A2M: variants seen among roughly 807,000 people sequenced by gnomAD.
A2M encodes the protein C3 and PZP-like alpha-2-macroglobulin domain-containing protein 5.
A2M carries 128 observed loss-of-function variants against 183.9 expected under a neutral mutation model. The ratio of observed to expected loss-of-function variants is 0.70; its 90% CI spans 0.60 to 0.81. A2M has a LOEUF of 0.81. Ranked by LOEUF, A2M falls within the 30% of genes least tolerant of loss-of-function variation. The pLI is 0.00. For synonymous variants in A2M, 592 were observed against 670.8 expected, an observed-to-expected ratio of 0.88 and a Z score of 1.81; for missense variants, 1,495 against 1,787.6, an observed-to-expected ratio of 0.84 and a Z score of 2.95.
rs1459325862 is a variant in A2M, at chr12:9,093,540, T to A, written c.2165A>T (p.His722Leu). The A allele has an allele frequency of 1.2e-6, 2 of 1,612,822 alleles. No homozygotes were observed. Among genetic ancestry groups the A allele is most frequent in the Admixed American group, 3.3e-5 (2 of 59,880 alleles). ...GGTCTCCGTGTGAGGCTCTTCAACA[T>A]GCACCAGGCGTGCATGGCCTCTTCC... is the stretch of plus-strand genomic sequence containing the variant. ...VMGRGHARLV[H>L]VEEPHTETVR... The change falls in exon 18 of 36, where the codon CAT (histidine) becomes CTT (leucine). Residue 722 changes from histidine to leucine, a missense_variant. By Grantham distance (99) the His-to-Leu change is moderately conservative. Coordinates refer to ENST00000318602, the MANE Select transcript of A2M (RefSeq NM_000014.6).
chr12:9,079,043 T>G (rs1320892830), intron 25 of A2M, among the ~76,000 whole-genome samples: 1 of 152,070 alleles, frequency 6.6e-6, no homozygotes, highest in Non-Finnish European at 1.5e-5. Context: ...GGATCCATTT[T>G]GGAAACAAGC....
chr12:9,111,478 A>G (rs1197302283), intron 4 of A2M: 1 of 455,442 alleles, frequency 2.2e-6, no homozygotes, highest in South Asian at 1.6e-5. Context: ...ATTGACTAGG[A>G]CTAGCTTGCA....
chr12:9,072,659 G>C lies in A2M; in HGVS notation c.3969C>G (p.Tyr1323Ter). The part of the protein sequence containing the change: ...SMKVTGEGCV[Y>*]LQTSLKYNIL... The stretch of plus-strand genomic sequence containing the variant: ...ACCTGCCCAAGAGTCTCACCTGGAG[G>C]TAGACACATCCTTCTCCTGTCACTT... The change falls in exon 30 of 36, where the codon TAC (tyrosine) becomes TAG (stop). Residue 1323 changes from tyrosine to a stop codon, truncating the protein, a stop_gained. Coordinates refer to ENST00000318602, the MANE Select transcript of A2M (RefSeq NM_000014.6). LOFTEE classifies it high-confidence loss of function. 2 of 1,614,070 alleles carry C rather than the reference G, an allele frequency of 1.2e-6. No individual in the cohort carries two copies. Among genetic ancestry groups the C allele is most frequent in the Non-Finnish European group, 1.7e-6 (2 of 1,179,954 alleles).
chr12:9,086,305 AT>A (rs1294169830), intron 22 of A2M, among the ~76,000 whole-genome samples: 1 of 152,210 alleles, frequency 6.6e-6, no homozygotes, highest in Non-Finnish European at 1.5e-5. Context: ...AGGTGGTAGG[AT>A]TGCTTGAACT....
chr12:9,077,006 C>G, intron 27 of A2M, 70 bp from the exon 28 acceptor site: 1 of 1,417,302 alleles, frequency 7.1e-7, no homozygotes, highest in Non-Finnish European at 9.4e-7. Context: ...GGCAAATACA[C>G]GGATCACAGC....
Position 9,110,054 on chromosome 12 carries a change from T to C in A2M, c.505-19A>G. ...TGGGATCCTATATGAGTAAATTAATTATAACTTACAAAAGCACCTGGAGCA... is the reference window on the plus strand; with the variant it reads ...TGGGATCCTATATGAGTAAATTAATCATAACTTACAAAAGCACCTGGAGCA... On this transcript the variant is annotated intron_variant, in intron 5 of 35. Transcript: ENST00000318602. 2 of 1,589,560 alleles carry C rather than the reference T, an allele frequency of 1.3e-6. No individual in the cohort carries two copies. Among genetic ancestry groups the C allele is most frequent in the Middle Eastern group, 1.7e-4 (1 of 5,928 alleles).
chr12:9,106,165 C>A, intron 10 of A2M, 71 bp downstream of exon 10: 1 of 904,624 alleles, frequency 1.1e-6, no homozygotes, highest in Non-Finnish European at 1.8e-6. Flanking sequence ...ATGGTTTTAG[C>A]ACAAACCATA....
At chr12:9,072,964 T>A in intron 29 of A2M, 93 bp from the exon 30 acceptor site, 1 of 921,520 alleles carries the variant, frequency 1.1e-6, no homozygotes, top group Non-Finnish European at 1.6e-6. Flanking sequence ...GGGACTTTGA[T>A]TTCCTACTTC....
intron 28 of A2M, among the ~76,000 whole-genome samples, chr12:9,075,232 A>G (rs922426059): frequency 6.6e-6 from 1 of 152,250 alleles, no homozygotes; most frequent in Non-Finnish European, 1.5e-5. Context: ...AATCCTTGAA[A>G]TACCAAAGGC....
chr12:9,084,290 A>G (rs543358905), intron 22 of A2M, among the ~76,000 whole-genome samples: 2 of 152,212 alleles, frequency 1.3e-5, no homozygotes, highest in Non-Finnish European at 2.9e-5. Context: ...CATATTCAAA[A>G]TACTCTATGA....
chr12:9,091,040 G>A (rs1210950416), intron 19 of A2M, among the ~76,000 whole-genome samples, 161 bp downstream of exon 19: 1 of 151,842 alleles, frequency 6.6e-6, no homozygotes. Flanking sequence ...CTTGCTTTAT[G>A]GTGCAATTTG....
rs1256689992 is a variant in A2M at position 9,099,437 on chromosome 12, C to T, written c.1645G>A (p.Gly549Arg). ...RLLIYAVLPT[G>R]DVIGDSAKYD... Reference sequence around the variant, plus strand: ...TTTGCAGAATCCCCAATCACGTCCCCGGTAGGTAAAACAGCATAGATGAGC... The same window carrying T: ...TTTGCAGAATCCCCAATCACGTCCCTGGTAGGTAAAACAGCATAGATGAGC... The change falls in exon 14 of 36, where the codon GGG (glycine) becomes AGG (arginine). Residue 549 changes from glycine to arginine, a missense_variant. Transcript: ENST00000318602. 18 of 1,596,936 alleles carry T rather than the reference C, an allele frequency of 1.1e-5. No homozygotes were observed. The highest frequency in any genetic ancestry group is 4.0e-5 in the African/African-American group (3 of 74,624).
intron 15 of A2M, among the ~76,000 whole-genome samples, chr12:9,096,153 G>T (rs760681030): frequency 6.6e-6 from 1 of 151,974 alleles, no homozygotes; most frequent in East Asian, 1.9e-4. Context: ...ATTTATAGAG[G>T]GTATGGATCA....
At chr12:9,077,573 T>A in intron 26 of A2M, 128 bp downstream of exon 26, 1 of 1,497,384 alleles carries the variant, frequency 6.7e-7, no homozygotes, top group Non-Finnish European at 9.1e-7. Context: ...ATCCCCTCTT[T>A]TTTGGTGCCA....
chr12:9,070,937 C>T (rs1419939185), intron 31 of A2M, among the ~76,000 whole-genome samples: 1 of 152,056 alleles, frequency 6.6e-6, no homozygotes, highest in African/African-American at 2.4e-5. Context: ...TCTCCTGCCT[C>T]AGCCTCCCGA....
intron 34 of A2M, among the ~76,000 whole-genome samples, 155 bp downstream of exon 34, chr12:9,068,585 A>G (rs897768763): frequency 2.0e-5 from 3 of 152,218 alleles, no homozygotes; most frequent in African/African-American, 7.2e-5. Flanking sequence ...TAATGTATGT[A>G]TAAGAGACAA....
chr12:9,095,908 C>G (rs957016799), intron 15 of A2M, among the ~76,000 whole-genome samples: 2 of 150,930 alleles, frequency 1.3e-5, no homozygotes, highest in Non-Finnish European at 3.0e-5. Flanking sequence ...TACAGGCGCC[C>G]GCCACCGCGC....
chr12:9,088,924 AC>A (rs1305622351), intron 22 of A2M, among the ~76,000 whole-genome samples: 23 of 152,180 alleles, frequency 1.5e-4, no homozygotes, highest in Non-Finnish European at 7.4e-5. Context: ...TTTTGATTCT[AC>A]CCACTTTCTA....
intron 33 of A2M, chr12:9,069,201 CA>C (rs150561552): frequency 0.37 from 62,358 of 170,128 alleles, 12,218 homozygotes; most frequent in African/African-American, 0.47. Flanking sequence ...CTCAAAGAGG[CA>C]TCTAAAAGGT....
Sources: allele counts gnomAD v4.1 joint callset (sites outside exome capture counted in the v4.1 genomes callset), GRCh38; gene constraint gnomAD v4.1.1; transcripts MANE v1.5; gene names NCBI Gene and HGNC (gene_info 2026-07-23, HGNC 2026-07-21).